Variants in CNOT2 observed in about 807,000 individuals in gnomAD.
CNOT2 encodes CC chemokine receptor 4-negative regulator of transcription 2.
Under a neutral mutation model 72.1 loss-of-function variants are expected in CNOT2, and 7 were observed. The ratio of observed to expected loss-of-function variants is 0.10; its 90% CI spans 0.06 to 0.18. The LOEUF (loss-of-function observed/expected upper bound fraction) is 0.18, where lower values mean the gene tolerates loss of function less well. Among genes scored for constraint, CNOT2 ranks in the 10% least tolerant of loss-of-function variants. The pLI, the probability that CNOT2 is intolerant of heterozygous loss-of-function variation, is 1.00. For synonymous variants in CNOT2, 196 were observed against 225.6 expected (o/e 0.87, Z 1.17); for missense variants, 345 against 660.3 (o/e 0.52, Z 5.23).
rs539763014 is a variant in CNOT2 at position 70,244,675 on chromosome 12, A to G, written c.-96+1195A>G. 3.3e-5 allele frequency among the ~76,000 whole-genome samples: 5 copies of G among 152,278 alleles called. No individual in the cohort carries two copies. The South Asian group carries it at 1.0e-3, about 32-fold the overall frequency. Reference sequence around the variant, plus strand: ...CAACATATTTTGTTTCATTTTCATAAAAGTCTTGGTCAGAGAATCCCACTC... The same window carrying G: ...CAACATATTTTGTTTCATTTTCATAGAAGTCTTGGTCAGAGAATCCCACTC... On this transcript the variant is annotated intron_variant, in intron 1 of 15. Coordinates refer to ENST00000229195, the MANE Select transcript of CNOT2 (RefSeq NM_014515.7).
intron 8 of CNOT2, 199 bp from the exon 9 acceptor site, chr12:70,337,190 G>A (rs1391795659): frequency 2.3e-6 from 1 of 439,398 alleles, no homozygotes; most frequent in Non-Finnish European, 4.1e-6. Flanking sequence ...GTATTATTTT[G>A]TATGTTGAGT....
At chr12:70,248,484 A>G (rs1313239742) in intron 1 of CNOT2, among the ~76,000 whole-genome samples, 1 of 152,128 alleles carries the variant, frequency 6.6e-6, no homozygotes, top group Non-Finnish European at 1.5e-5. Flanking sequence ...GGAAATGTTC[A>G]CGTGTTTGAC....
intron 2 of CNOT2, among the ~76,000 whole-genome samples, chr12:70,279,945 G>A (rs1869523293): frequency 6.6e-6 from 1 of 151,996 alleles, no homozygotes; most frequent in African/African-American, 2.4e-5. Context: ...TGCATTTTTG[G>A]TTATGGGTTT....
intron 2 of CNOT2, chr12:70,290,942 A>G (rs1472954488): frequency 2.0e-5 from 3 of 152,218 alleles, no homozygotes; most frequent in African/African-American, 7.2e-5. Context: ...CTTGTATAAA[A>G]TACTATACAG....
chr12:70,301,014 CTCTGTTTG>C (rs1235934244), intron 2 of CNOT2, among the ~76,000 whole-genome samples: 1 of 152,080 alleles, frequency 6.6e-6, no homozygotes. Flanking sequence ...TGATTTGGCT[CTCTGTTTG>C]TCTGTTATTG....
chr12:70,326,069 A>G (rs1879029924), intron 4 of CNOT2, among the ~76,000 whole-genome samples: 1 of 151,878 alleles, frequency 6.6e-6, no homozygotes, highest in African/African-American at 2.4e-5. Flanking sequence ...CTGAAAAATG[A>G]TCAATAAGGA....
At chr12:70,274,328 C>T (rs1868396051) in intron 1 of CNOT2, among the ~76,000 whole-genome samples, 1 of 152,008 alleles carries the variant, frequency 6.6e-6, no homozygotes, top group Non-Finnish European at 1.5e-5. Flanking sequence ...AAGATAATGG[C>T]TAAATGCATT....
At chr12:70,313,035 T>G (rs1275875900) in intron 3 of CNOT2, among the ~76,000 whole-genome samples, 1 of 152,040 alleles carries the variant, frequency 6.6e-6, no homozygotes, top group Non-Finnish European at 1.5e-5. Flanking sequence ...GTTTTTACTG[T>G]AATCACCACT....
intron 1 of CNOT2, chr12:70,244,233 G>A (rs541261082): frequency 2.0e-5 from 3 of 152,294 alleles, no homozygotes; most frequent in South Asian, 4.1e-4. Flanking sequence ...GATGATCCTG[G>A]GGCGGCGGAG....
At chr12:70,311,586 A>G (rs574705394) in intron 3 of CNOT2, among the ~76,000 whole-genome samples, 43 of 152,060 alleles carry the variant, frequency 2.8e-4, no homozygotes, top group Admixed American at 6.6e-4. Flanking sequence ...TAATAGTTCA[A>G]TAATCCCATT....
At chr12:70,246,348 A>G (rs1957875461) in intron 1 of CNOT2, among the ~76,000 whole-genome samples, 1 of 152,172 alleles carries the variant, frequency 6.6e-6, no homozygotes, top group Non-Finnish European at 1.5e-5. Context: ...ATTTCAGGAA[A>G]ATATACCACC....
At chr12:70,342,941 G>A (rs1881698502) in intron 13 of CNOT2, among the ~76,000 whole-genome samples, 1 of 152,102 alleles carries the variant, frequency 6.6e-6, no homozygotes, top group East Asian at 1.9e-4. Flanking sequence ...AAATATCTAT[G>A]TGTATGTGTA....
chr12:70,260,494 C>T (rs1042302384), intron 1 of CNOT2, among the ~76,000 whole-genome samples: 1 of 151,984 alleles, frequency 6.6e-6, no homozygotes, highest in African/African-American at 2.4e-5. Flanking sequence ...ACCCTGCAAC[C>T]TTGTTGCACT....
chr12:70,304,107 A>AT (rs1382934283), intron 2 of CNOT2, among the ~76,000 whole-genome samples: 2 of 151,200 alleles, frequency 1.3e-5, no homozygotes, highest in African/African-American at 2.4e-5. Flanking sequence ...CATTCGTCTA[A>AT]TTTTTTTTCA....
In CNOT2 at chr12:70,244,718, G is replaced by A. The variant is rs557992853; in HGVS notation, c.-96+1238G>A. 3.9e-5 allele frequency among the ~76,000 whole-genome samples: 6 copies of A among 152,290 alleles called. No individual in the cohort carries two copies. The East Asian group carries it at 5.8e-4, about 15-fold the overall frequency. On this transcript the variant is annotated intron_variant, in intron 1 of 15. Transcript: ENST00000229195. ...TCCCACTCCTTTTAAAATCGTTTGGGCAATTCCTCATAATTAAGTACACTG... is the reference window on the plus strand; with the variant it reads ...TCCCACTCCTTTTAAAATCGTTTGGACAATTCCTCATAATTAAGTACACTG...
chr12:70,278,520 C>T (rs1565759000), intron 2 of CNOT2: 2 of 430,530 alleles, frequency 4.6e-6, no homozygotes, highest in South Asian at 4.0e-5. Flanking sequence ...TTTGTCAAAA[C>T]TTAGATTATT....
intron 11 of CNOT2, among the ~76,000 whole-genome samples, chr12:70,341,768 T>G (rs756407731): frequency 6.6e-6 from 1 of 152,204 alleles, no homozygotes; most frequent in East Asian, 1.9e-4. Flanking sequence ...TATTTAAAAT[T>G]TAATTTATAT....
At chr12:70,307,212 T>C (rs1367396906) in intron 2 of CNOT2, among the ~76,000 whole-genome samples, 1 of 152,196 alleles carries the variant, frequency 6.6e-6, no homozygotes, top group Non-Finnish European at 1.5e-5. Context: ...CATTCTCGAA[T>C]AATGAGTTAA....
chr12:70,344,307 C>G, intron 14 of CNOT2, 79 bp downstream of exon 14: 2 of 826,170 alleles, frequency 2.4e-6, no homozygotes, highest in Non-Finnish European at 4.1e-6. Flanking sequence ...GTGATGATGG[C>G]TATCTTTAAA....
Sources: gnomAD v4.1 joint callset for allele counts (sites outside exome capture counted in the v4.1 genomes callset) on GRCh38, gnomAD v4.1.1 for gene constraint, MANE v1.5 for transcripts, NCBI Gene and HGNC (gene_info 2026-07-23, HGNC 2026-07-21) for gene names.